SLC18A1: variants seen among roughly 807,000 people sequenced by gnomAD.
SLC18A1 encodes the protein solute carrier family 18 member A1, also known as chromaffin granule amine transporter.
SLC18A1 carries 69 observed loss-of-function variants against 53.7 expected under a neutral mutation model. The ratio of observed to expected loss-of-function variants is 1.28; its 90% CI spans 1.06 to 1.57. SLC18A1 has a LOEUF of 1.57. Among genes scored for constraint, SLC18A1 ranks in the 40% most tolerant of loss-of-function variants. The pLI, the probability that SLC18A1 is intolerant of heterozygous loss-of-function variation, is 0.00. For synonymous variants in SLC18A1, 320 were observed against 248.1 expected (o/e 1.29, Z -2.72); for missense variants, 932 against 668.1 (o/e 1.40, Z -4.35).
At chr8:20,152,562 G>C (rs575722886) in intron 10 of SLC18A1, among the ~76,000 whole-genome samples, 1 of 152,158 alleles carries the variant, frequency 6.6e-6, no homozygotes, top group Non-Finnish European at 1.5e-5. Flanking sequence ...TGTCTTAATC[G>C]ATTGGGTAGC....
chr8:20,150,724 TG>T lies in SLC18A1; in HGVS notation c.1035del (p.Ser346ValfsTer25). On this transcript the variant is annotated frameshift_variant, in exon 11 of 16. Transcript: ENST00000276373. LOFTEE classifies it high-confidence loss of function. ...TTGGTGCCAATGAGGTAGGACACACTGGCAGGCAAGAAAGCTAGACCTGTGG... is the reference window on the plus strand; with the variant it reads ...TTGGTGCCAATGAGGTAGGACACACTGCAGGCAAGAAAGCTAGACCTGTGG... ...KWQLGLAFLP[A>X]SVSYLIGTNL... is the part of the protein sequence containing the mutation. 1 of 1,614,198 alleles carries T rather than the reference TG, an allele frequency of 6.2e-7. No homozygotes were observed. Among genetic ancestry groups the T allele is most frequent in the Non-Finnish European group, 8.5e-7 (1 of 1,180,016 alleles).
At chr8:20,177,261 T>C (rs766529559) in intron 4 of SLC18A1, among the ~76,000 whole-genome samples, 7 of 152,216 alleles carry the variant, frequency 4.6e-5, no homozygotes, top group Non-Finnish European at 1.0e-4. Context: ...TTCTTGCAGT[T>C]TGCAGCCTTC....
At chr8:20,160,887 G>GA (rs2071813869) in intron 10 of SLC18A1, among the ~76,000 whole-genome samples, 1 of 151,978 alleles carries the variant, frequency 6.6e-6, no homozygotes, top group African/African-American at 2.4e-5. Context: ...ATTTGAGAGA[G>GA]AAAAGAAAAA....
At chr8:20,177,315 G>A (rs945577858) in intron 4 of SLC18A1, among the ~76,000 whole-genome samples, 1 of 152,174 alleles carries the variant, frequency 6.6e-6, no homozygotes, top group Non-Finnish European at 1.5e-5. Flanking sequence ...TGGGTTGCTA[G>A]GAATCAAGTT....
chr8:20,179,195 C>T lies in SLC18A1; in HGVS notation c.414G>A (p.Arg138=). The change falls in exon 3 of 16, where the codon CGG becomes CGA. Residue 138 remains arginine (R), a synonymous_variant. Transcript: ENST00000276373. ...GTGFLEEEIT[R]VGVLFASKAV... ...CCTTTGAAGCAAACAGAACCCCGAC[C>T]CGGGTAATCTCTTCCTCCAAGAAAC... The T allele has an allele frequency of 1.9e-6, 3 of 1,614,150 alleles. No individual in the cohort carries two copies. Among genetic ancestry groups the T allele is most frequent in the South Asian group, 1.1e-5 (1 of 91,086 alleles).
At chr8:20,161,423 T>A (rs577477499) in intron 10 of SLC18A1, among the ~76,000 whole-genome samples, 5 of 152,204 alleles carry the variant, frequency 3.3e-5, no homozygotes, top group African/African-American at 1.2e-4. Context: ...AACAACTATT[T>A]ATATAGCATT....
intron 10 of SLC18A1, among the ~76,000 whole-genome samples, chr8:20,158,837 C>T (rs1047759008): frequency 1.3e-5 from 2 of 152,128 alleles, no homozygotes; most frequent in Non-Finnish European, 2.9e-5. Flanking sequence ...ATGCCTTTTT[C>T]TACATCCCTG....
At chr8:20,169,250 G>A (rs1048607291) in intron 8 of SLC18A1, among the ~76,000 whole-genome samples, 1 of 152,118 alleles carries the variant, frequency 6.6e-6, no homozygotes, top group Non-Finnish European at 1.5e-5. Flanking sequence ...TAAAGGCTGA[G>A]AACTTTTCCA....
Position 20,164,851 on chromosome 8 carries a change from G to T in SLC18A1, c.1015+18C>A, listed in dbSNP as rs763465902. On this transcript the variant is annotated intron_variant, in intron 10 of 15. Transcript: ENST00000276373. ...CTCCTCCTGCCAGGCCCTGAGCGGG[G>T]GTGCTGAGGTCACTTACCCAGCTGC... 2.5e-5 allele frequency: 40 copies of T among 1,586,710 alleles called. No homozygotes were observed. In the Middle Eastern group the frequency reaches 5.1e-4, roughly 20 times the overall value.
In SLC18A1 at chr8:20,179,325, C is replaced by G; in HGVS notation, c.284G>C (p.Ser95Thr). The change falls in exon 3 of 16, where the codon AGC becomes ACC. Residue 95 changes from serine to threonine, a missense_variant. Coordinates refer to ENST00000276373, the MANE Select transcript of SLC18A1 (RefSeq NM_003053.4). ...FNNNTVAVEE[S>T]VPSGIAWMND... Reference sequence around the variant, plus strand: ...CATCCATGCTATTCCACTAGGTACGCTTTCTTCAACAGCCACGGTGTTGTT... The same window carrying G: ...CATCCATGCTATTCCACTAGGTACGGTTTCTTCAACAGCCACGGTGTTGTT... The G allele has an allele frequency of 3.1e-6, 5 of 1,614,182 alleles. No homozygotes were observed. Among genetic ancestry groups the G allele is most frequent in the Non-Finnish European group, 4.2e-6 (5 of 1,180,032 alleles).
chr8:20,153,045 G>A (rs1288467671), intron 10 of SLC18A1, among the ~76,000 whole-genome samples: 3 of 152,140 alleles, frequency 2.0e-5, no homozygotes, highest in African/African-American at 7.2e-5. Context: ...GAATGATGAT[G>A]GTGAAGGGAC....
intron 8 of SLC18A1, among the ~76,000 whole-genome samples, chr8:20,167,623 T>G (rs975346425): frequency 2.6e-5 from 4 of 151,046 alleles, no homozygotes; most frequent in Non-Finnish European, 2.9e-5. Context: ...GTTTTTTTTG[T>G]TTTTTTTGTT....
rs1442390618 is a variant in SLC18A1 at position 20,165,066 on chromosome 8, A to C, written c.900T>G (p.Pro300=). 1.9e-6 allele frequency: 3 copies of C among 1,614,072 alleles called. No homozygotes were observed. The highest frequency in any genetic ancestry group is 2.5e-6 in the Non-Finnish European group (3 of 1,180,040). ...GCTTACCTGCAGCCACCAGGATGTA[A>C]GGGTCTTTGAGAAGCATAAAGAGGG... is the stretch of plus-strand genomic sequence containing the variant. ...GTPLFMLLKD[P]YILVAAGSIC... The change falls in exon 9 of 16, where the codon CCT becomes CCG. Residue 300 remains proline (P), a synonymous_variant. Coordinates refer to ENST00000276373, the MANE Select transcript of SLC18A1 (RefSeq NM_003053.4).
chr8:20,153,384 G>T (rs1473529067), intron 10 of SLC18A1, among the ~76,000 whole-genome samples: 1 of 152,174 alleles, frequency 6.6e-6, no homozygotes, highest in Non-Finnish European at 1.5e-5. Context: ...AGGAAAGAAA[G>T]AAGTGAGGAC....
intron 12 of SLC18A1, 110 bp from the exon 13 acceptor site, chr8:20,148,180 C>T (rs2071452236): frequency 1.1e-6 from 1 of 898,728 alleles, no homozygotes. Flanking sequence ...CTATTGGCCA[C>T]ATACATCATC....
chr8:20,178,048 A>T (rs1488361592), intron 4 of SLC18A1, among the ~76,000 whole-genome samples: 1 of 152,078 alleles, frequency 6.6e-6, no homozygotes, highest in African/African-American at 2.4e-5. Flanking sequence ...CCATGGCATA[A>T]CAAAATAATA....
intron 10 of SLC18A1, among the ~76,000 whole-genome samples, chr8:20,159,434 A>G (rs753463256): frequency 6.6e-6 from 1 of 152,108 alleles, no homozygotes; most frequent in Non-Finnish European, 1.5e-5. Flanking sequence ...CACATAGTAA[A>G]GAGAGCTCAC....
intron 10 of SLC18A1, among the ~76,000 whole-genome samples, chr8:20,151,853 C>G (rs1221662821): frequency 1.3e-5 from 2 of 152,150 alleles, no homozygotes; most frequent in Non-Finnish European, 2.9e-5. Flanking sequence ...GTCAGGTATT[C>G]TGGGGGCTGG....
chr8:20,163,393 G>T (rs572312424), intron 10 of SLC18A1, among the ~76,000 whole-genome samples: 32 of 152,244 alleles, frequency 2.1e-4, no homozygotes, highest in African/African-American at 7.7e-4. Context: ...GGTCAAAGAG[G>T]TTAAATAACT....
Sources: allele counts gnomAD v4.1 joint callset (sites outside exome capture counted in the v4.1 genomes callset), GRCh38; gene constraint gnomAD v4.1.1; transcripts MANE v1.5; gene names NCBI Gene and HGNC (gene_info 2026-07-23, HGNC 2026-07-21).